The following TMED8 variants were observed in gnomAD, a reference collection of about 807,000 sequenced individuals.
TMED8 encodes the protein protein TMED8.
TMED8 carries 15 observed loss-of-function variants against 32.7 expected under a neutral mutation model. The observed-to-expected ratio is 0.46, with a 90% CI of 0.31 to 0.71. The LOEUF is 0.71. TMED8 is among the 30% of genes least tolerant of loss of function. The pLI is 0.06. For synonymous variants in TMED8, 147 were observed against 161.4 expected (o/e 0.91, Z 0.68); for missense variants, 390 against 423.9 (o/e 0.92, Z 0.70).
At position 77,338,662 on chromosome 14, in the gene TMED8, C is replaced by T. The variant is rs979648898; in HGVS notation, c.*3109G>A. The T allele has an allele frequency of 6.6e-6, 1 of 152,238 alleles. No homozygotes were observed. Among genetic ancestry groups the T allele is most frequent in the Non-Finnish European group, 1.5e-5 (1 of 68,056 alleles). 9.4% of individuals were successfully genotyped at this position (152,238 alleles called of 1,614,324 possible). A position where few individuals can be genotyped will look rare whatever the true frequency, so the allele number is the denominator to read the frequency against. On this transcript the variant is annotated 3_prime_UTR_variant, in exon 6 of 6. Transcript: ENST00000216468. ...ATGTATAAAACTGTAACCCGACTAC[C>T]TCGGGCACATGTTCTAAGAACCTCC... is the stretch of plus-strand genomic sequence containing the variant.
intron 1 of TMED8, among the ~76,000 whole-genome samples, chr14:77,352,596 G>A (rs757247317): frequency 9.3e-5 from 14 of 150,440 alleles, no homozygotes; most frequent in South Asian, 2.1e-4. Flanking sequence ...AAAATTAGCC[G>A]GGCATGGTGG....
chr14:77,355,853 C>T (rs948760513), intron 1 of TMED8, among the ~76,000 whole-genome samples: 1 of 152,136 alleles, frequency 6.6e-6, no homozygotes, highest in Non-Finnish European at 1.5e-5. Flanking sequence ...GATTCTCTTC[C>T]GTAAAATCTG....
In TMED8 at chr14:77,376,883, CG is replaced by C. The variant is rs1683646098; in HGVS notation, c.118+52del. 1.7e-6 allele frequency: 2 copies of C among 1,145,412 alleles called. No homozygotes were observed. Among genetic ancestry groups the C allele is most frequent in the East Asian group, 3.2e-5 (1 of 30,828 alleles). 71.0% of individuals were successfully genotyped at this position (1,145,412 alleles called of 1,614,324 possible). ...CGCGGCGGAGGCTCGCGCCGTGGTG[CG>C]GGGCCCTGAGGCCGGGCGGCACCCA... is the stretch of plus-strand genomic sequence containing the variant. On this transcript the variant is annotated intron_variant, in intron 1 of 5. Transcript: ENST00000216468. This position sits in a 1 kb window ranked among gnomAD's most constrained non-coding sequence, Gnocchi z 4.0.
intron 1 of TMED8, among the ~76,000 whole-genome samples, chr14:77,367,240 T>TTA (rs1195169190): frequency 4.0e-5 from 1 of 25,100 alleles, no homozygotes; most frequent in East Asian, 1.3e-3. Context: ...AGACTCTGTC[T>TTA]AAAAAAAAAA....
intron 1 of TMED8, among the ~76,000 whole-genome samples, chr14:77,372,952 A>ATTTTTT (rs1160815178): frequency 2.8e-4 from 4 of 14,312 alleles, no homozygotes; most frequent in East Asian, 3.6e-3. Flanking sequence ...ATATATATAT[A>ATTTTTT]TTTTTTTTTT....
At chr14:77,375,384 A>G (rs1169629108) in intron 1 of TMED8, among the ~76,000 whole-genome samples, 2 of 152,216 alleles carry the variant, frequency 1.3e-5, no homozygotes. Flanking sequence ...TACGTTTGCC[A>G]TAAACACATG....
Position 77,376,989 on chromosome 14 carries a change from G to A in TMED8, c.65C>T (p.Ala22Val). Residue 22 changes from alanine (A) to valine (V), a missense_variant, in exon 1 of 6, where the codon GCT becomes GTT. Transcript: ENST00000216468. This position sits in a 1 kb window ranked among gnomAD's most constrained non-coding sequence, Gnocchi z 4.0. ...SWSPTARPGSAGGVGDCQGVE... is the reference protein window; with the variant it reads ...SWSPTARPGSVGGVGDCQGVE... ...TCCCTGGCAGTCCCCGACGCCGCCA[G>A]CCGACCCTGGGCGGGCTGTGGGGCT... 1.4e-6 allele frequency: 2 copies of A among 1,445,046 alleles called. No homozygotes were observed. Among genetic ancestry groups the A allele is most frequent in the Non-Finnish European group, 1.8e-6 (2 of 1,107,170 alleles). 89.5% of individuals were successfully genotyped at this position (1,445,046 alleles called of 1,614,324 possible). A position where few individuals can be genotyped will look rare whatever the true frequency, so the allele number is the denominator to read the frequency against.
At position 77,351,727 on chromosome 14, in the gene TMED8, T is replaced by A; in HGVS notation, c.143A>T (p.Asp48Val). The change falls in exon 2 of 6, where the codon GAT becomes GTT. Residue 48 changes from aspartate (D) to valine (V), a missense_variant. Transcript: ENST00000216468. ...ASENEDLENK[D>V]TSLLASATDP... The stretch of plus-strand genomic sequence containing the variant: ...GGTGGCAGAAGCCAATAAAGAGGTA[T>A]CCTTGTTTTCTAGATCTTCATTCTC... 2 of 1,613,422 alleles carry A rather than the reference T, an allele frequency of 1.2e-6. No homozygotes were observed. The highest frequency in any genetic ancestry group is 1.1e-5 in the South Asian group (1 of 90,956).
intron 1 of TMED8, among the ~76,000 whole-genome samples, chr14:77,360,429 T>C (rs908151418): frequency 4.6e-5 from 7 of 152,082 alleles, no homozygotes; most frequent in Non-Finnish European, 7.4e-5. Flanking sequence ...AGATTACATA[T>C]ATAAGAGAGA....
intron 5 of TMED8, 96 bp from the exon 6 acceptor site, chr14:77,342,084 G>GCACT (rs1566683249): frequency 2.0e-6 from 2 of 1,008,316 alleles, no homozygotes; most frequent in African/African-American, 3.2e-5. Context: ...TCACAGAGCG[G>GCACT]GGAGATTATT....
intron 1 of TMED8, among the ~76,000 whole-genome samples, chr14:77,373,231 G>A (rs1893738278): frequency 6.6e-6 from 1 of 150,524 alleles, no homozygotes; most frequent in African/African-American, 2.4e-5. Context: ...TAGCTCTGGG[G>A]GACATACACA....
intron 1 of TMED8, among the ~76,000 whole-genome samples, chr14:77,362,991 A>G (rs1158545743): frequency 6.6e-6 from 1 of 152,216 alleles, no homozygotes; most frequent in Non-Finnish European, 1.5e-5. Flanking sequence ...TTTAATAGAC[A>G]TGAAGGGGGA....
chr14:77,367,335 A>G (rs535141496), intron 1 of TMED8, among the ~76,000 whole-genome samples: 1 of 152,084 alleles, frequency 6.6e-6, no homozygotes, highest in East Asian at 1.9e-4. Flanking sequence ...TGTATACCTC[A>G]ATAAATTATC....
At chr14:77,366,315 T>C (rs1893551876) in intron 1 of TMED8, among the ~76,000 whole-genome samples, 2 of 152,200 alleles carry the variant, frequency 1.3e-5, no homozygotes, top group South Asian at 2.1e-4. Context: ...AAATGGAAGA[T>C]CCTTCTCTTC....
intron 1 of TMED8, among the ~76,000 whole-genome samples, chr14:77,370,753 G>GTGTGTA (rs1273412940): frequency 6.6e-6 from 1 of 151,934 alleles, no homozygotes; most frequent in Admixed American, 6.6e-5. Context: ...GTGTGTGTGT[G>GTGTGTA]TGTGTGTGTG....
intron 2 of TMED8, among the ~76,000 whole-genome samples, chr14:77,349,688 T>C (rs1882917951): frequency 1.3e-5 from 2 of 152,234 alleles, no homozygotes; most frequent in Admixed American, 6.5e-5. Flanking sequence ...CTTCCTGGCC[T>C]TGTCACTGTT....
chr14:77,354,690 A>G (rs1293604761), intron 1 of TMED8, among the ~76,000 whole-genome samples: 1 of 152,218 alleles, frequency 6.6e-6, no homozygotes, highest in Non-Finnish European at 1.5e-5. Flanking sequence ...GCAGTGGCTC[A>G]TGCCTGTAAT....
intron 1 of TMED8, among the ~76,000 whole-genome samples, chr14:77,372,601 T>C (rs1043602998): frequency 1.3e-5 from 2 of 152,102 alleles, no homozygotes; most frequent in African/African-American, 4.8e-5. Flanking sequence ...CTTCAGCCCT[T>C]GAGTGGGACA....
rs1047092780 is a variant in TMED8, at chr14:77,339,253, C to T, written c.*2518G>A. 3 of 152,206 alleles carry T rather than the reference C, an allele frequency of 2.0e-5. No homozygotes were observed. Among genetic ancestry groups the T allele is most frequent in the African/African-American group, 7.2e-5 (3 of 41,448 alleles). 9.4% of individuals were successfully genotyped at this position (152,206 alleles called of 1,614,324 possible). ...TTAGCTATTTTGTGCTAATGGAACA[C>T]AGAAACCCTGACAGTTGGTGAAAAA... is the stretch of plus-strand genomic sequence containing the variant. On this transcript the variant is annotated 3_prime_UTR_variant, in exon 6 of 6. Transcript: ENST00000216468.
Sources: gnomAD v4.1 joint callset for allele counts (sites outside exome capture counted in the v4.1 genomes callset) on GRCh38, gnomAD v4.1.1 for gene constraint, Gnocchi (gnomAD v3.1) non-coding constraint, MANE v1.5 for transcripts, NCBI Gene and HGNC (gene_info 2026-07-23, HGNC 2026-07-21) for gene names.